Variants in RWDD1 observed in about 807,000 individuals in gnomAD.
The protein encoded by RWDD1 is RWD domain-containing protein 1.
Under a neutral mutation model 31.6 loss-of-function variants are expected in RWDD1, and 17 were observed. The ratio of observed to expected loss-of-function variants is 0.54; its 90% confidence interval spans 0.37 to 0.81. The LOEUF (loss-of-function observed/expected upper bound fraction) is 0.81, where lower values mean the gene tolerates loss of function less well. Among genes scored for constraint, RWDD1 ranks in the 30% least tolerant of loss-of-function variants. The probability of loss-of-function intolerance (pLI) is 0.00; values close to 1 mark genes in which losing one functional copy is unlikely to be tolerated. For missense variants in RWDD1, 204 were observed against 274.5 expected, an observed-to-expected ratio of 0.74 and a Z score of 1.82; for synonymous variants, 78 against 94.2, an observed-to-expected ratio of 0.83 and a Z score of 0.99.
rs762317149 is a variant in RWDD1 at position 116,571,683 on chromosome 6, C to A, written c.73+28C>A. On this transcript the variant is annotated intron_variant, in intron 1 of 6. Transcript: ENST00000466444. The stretch of plus-strand genomic sequence containing the variant: ...GACTCCCGCGGCCGCAAGCCTGTAG[C>A]CGCCCCGAGGTGGAGTAGGACGGGC... The A allele has an allele frequency of 1.9e-6, 3 of 1,602,606 alleles. No homozygotes were observed. The African/African-American group carries it at 4.0e-5, about 22-fold the overall frequency.
intron 1 of RWDD1, among the ~76,000 whole-genome samples, chr6:116,576,414 T>G (rs900069704): frequency 3.3e-5 from 5 of 152,216 alleles, no homozygotes; most frequent in African/African-American, 1.2e-4. Context: ...TTTTGGCCTC[T>G]GAAAATTACT....
In RWDD1 at chr6:116,590,629, A is replaced by G. The variant is rs1387968369; in HGVS notation, c.547+225A>G. 2.0e-5 allele frequency among the ~76,000 whole-genome samples: 3 copies of G among 152,180 alleles called. No individual in the cohort carries two copies. The East Asian group carries it at 5.8e-4, about 29-fold the overall frequency. ...TATTATAATTACTAGATCCTGTGATAGAAGGACATTCAGGATCATGTCTTA... is the reference window on the plus strand; with the variant it reads ...TATTATAATTACTAGATCCTGTGATGGAAGGACATTCAGGATCATGTCTTA... On this transcript the variant is annotated intron_variant, in intron 5 of 6. Coordinates refer to ENST00000466444, the MANE Select transcript of RWDD1 (RefSeq NM_015952.4).
At position 116,587,085 on chromosome 6, in the gene RWDD1, C is replaced by G. The variant is rs1775054611; in HGVS notation, c.271-1757C>G. The stretch of plus-strand genomic sequence containing the variant: ...AATACTTAACTTTTCTAAAAGATAT[C>G]CTACTTTTATTGGATATGAAAGTTT... On this transcript the variant is annotated intron_variant, in intron 3 of 6. Transcript: ENST00000466444. 3.3e-5 allele frequency among the ~76,000 whole-genome samples: 5 copies of G among 152,150 alleles called. No homozygotes were observed. The South Asian group carries it at 1.0e-3, about 32-fold the overall frequency.
Position 116,588,969 on chromosome 6 carries a change from C to A in RWDD1, c.398C>A (p.Ala133Glu). 7 of 1,403,046 alleles carry A rather than the reference C, an allele frequency of 5.0e-6. No individual in the cohort carries two copies. The highest frequency in any genetic ancestry group is 1.5e-5 in the African/African-American group (1 of 66,374). The allele number at this position is 1,403,046 out of a possible 1,614,324, so 86.9% of individuals were successfully genotyped here. ...EEEKKQKEKEAEEAEKQLFHG... is the reference protein window; with the variant it reads ...EEEKKQKEKEEEEAEKQLFHG... ...GAAAAGAAACAAAAAGAAAAAGAAG[C>A]AGAAGAAGCTGAAAAGGTATATTTA... The change falls in exon 4 of 7, where the codon GCA becomes GAA. Residue 133 changes from alanine (A) to glutamate (E), a missense_variant. Transcript: ENST00000466444.
intron 4 of RWDD1, among the ~76,000 whole-genome samples, chr6:116,589,732 G>A (rs1261434813): frequency 6.6e-6 from 1 of 152,140 alleles, no homozygotes; most frequent in Non-Finnish European, 1.5e-5. Context: ...ATCATGGTGG[G>A]AGGTGAAAGG....
rs1320063011 is a variant in RWDD1 at position 116,590,387 on chromosome 6, G to A, written c.530G>A (p.Gly177Glu). The change falls in exon 5 of 7, where the codon GGA becomes GAA. Residue 177 changes from glycine (G) to glutamate (E), a missense_variant. By Grantham distance (98) the Gly-to-Glu change is moderately conservative. Coordinates refer to ENST00000466444, the MANE Select transcript of RWDD1 (RefSeq NM_015952.4). ...AGGATGAAAGAAGAAGAACAAGCAG[G>A]AAAAAATAAATTAAGTGGTATGATT... The part of the protein sequence containing the change: ...KKRMKEEEQA[G>E]KNKLSGKQLF... 2 of 1,592,496 alleles carry A rather than the reference G, an allele frequency of 1.3e-6. No individual in the cohort carries two copies. The highest frequency in any genetic ancestry group is 1.4e-5 in the African/African-American group (1 of 73,580).
chr6:116,577,550 A>G (rs1205524412), intron 1 of RWDD1, among the ~76,000 whole-genome samples: 2 of 128,142 alleles, frequency 1.6e-5, no homozygotes, highest in Non-Finnish European at 3.5e-5. Flanking sequence ...GTGTCCTTAA[A>G]ATATATCATG....
At chr6:116,571,739 T>G in intron 1 of RWDD1, 84 bp downstream of exon 1, 1 of 1,298,322 alleles carries the variant, frequency 7.7e-7, no homozygotes, top group Non-Finnish European at 1.1e-6. Context: ...GCCTCATAGG[T>G]TGGGGTGGAG....
rs750755761 is a variant in RWDD1, at chr6:116,590,236, C to A, written c.415-36C>A. 4.1e-6 allele frequency: 5 copies of A among 1,216,768 alleles called. No individual in the cohort carries two copies. The Admixed American group carries it at 1.2e-4, about 30-fold the overall frequency. 75.4% of individuals were successfully genotyped at this position (1,216,768 alleles called of 1,614,324 possible). On this transcript the variant is annotated intron_variant, in intron 4 of 6. Coordinates refer to ENST00000466444, the MANE Select transcript of RWDD1 (RefSeq NM_015952.4). Reference sequence around the variant, plus strand: ...GTTAGGATTTATTAAACTGCTGTTTCATTAATCTGGTGACTTTTTTTTTTT... The same window carrying A: ...GTTAGGATTTATTAAACTGCTGTTTAATTAATCTGGTGACTTTTTTTTTTT...
intron 3 of RWDD1, among the ~76,000 whole-genome samples, chr6:116,587,672 A>C (rs1033329334): frequency 6.7e-6 from 1 of 149,770 alleles, no homozygotes; most frequent in East Asian, 2.0e-4. Context: ...CTCTGTGTGT[A>C]TGTGTGTGTG....
chr6:116,596,622 A>G lies in RWDD1; in HGVS notation c.*3521A>G, dbSNP rs1775242715. The G allele has an allele frequency of 6.6e-6, 1 of 152,136 alleles. No homozygotes were observed. Among genetic ancestry groups the G allele is most frequent in the Admixed American group, 6.5e-5 (1 of 15,272 alleles). 9.4% of individuals were successfully genotyped at this position (152,136 alleles called of 1,614,324 possible). A position where few individuals can be genotyped will look rare whatever the true frequency, so the allele number is the denominator to read the frequency against. ...CAACTCAGTCCTCATTTTTTAGTTC[A>G]ACTTTTGACAACCTTATATTCATTG... On this transcript the variant is annotated 3_prime_UTR_variant, in exon 7 of 7. Transcript: ENST00000466444.
intron 3 of RWDD1, 124 bp downstream of exon 3, chr6:116,584,981 A>G: frequency 1.3e-6 from 1 of 750,650 alleles, no homozygotes; most frequent in South Asian, 1.9e-5. Flanking sequence ...AATTCATGTT[A>G]CATAATCACA....
intron 3 of RWDD1, among the ~76,000 whole-genome samples, chr6:116,586,434 A>G (rs937363302): frequency 6.6e-6 from 1 of 152,102 alleles, no homozygotes; most frequent in African/African-American, 2.4e-5. Context: ...TCTCTTTTGC[A>G]CATAATATAT....
rs1029559622 is a variant in RWDD1 at position 116,573,865 on chromosome 6, A to G, written c.73+2210A>G. Among the ~76,000 whole-genome samples the G allele has an allele frequency of 7.2e-5, 11 of 152,008 alleles. No individual in the cohort carries two copies. The South Asian group carries it at 1.9e-3, about 26-fold the overall frequency. On this transcript the variant is annotated intron_variant, in intron 1 of 6. Coordinates refer to ENST00000466444, the MANE Select transcript of RWDD1 (RefSeq NM_015952.4). ...ATGACTGAGTGCTTGACAAAGAAGC[A>G]TTTGTTAAGTACACGTGACCCCATG...
chr6:116,582,371 A>G (rs914304973), intron 2 of RWDD1, among the ~76,000 whole-genome samples: 2 of 152,010 alleles, frequency 1.3e-5, no homozygotes, highest in African/African-American at 4.8e-5. Flanking sequence ...CTCAGGATAT[A>G]ATGCACATGA....
chr6:116,574,647 ACTTT>A (rs3839369), intron 1 of RWDD1, among the ~76,000 whole-genome samples: 37,596 of 150,034 alleles, frequency 0.25, 4,964 homozygotes, highest in African/African-American at 0.35. Context: ...CCAACAACTT[ACTTT>A]CTTTCTTTCT....
Position 116,590,392 on chromosome 6 carries a change from A to C in RWDD1, c.535A>C (p.Asn179His), listed in dbSNP as rs752244474. The change falls in exon 5 of 7, where the codon AAT (asparagine) becomes CAT (histidine). Residue 179 changes from asparagine to histidine, a missense_variant. Coordinates refer to ENST00000466444, the MANE Select transcript of RWDD1 (RefSeq NM_015952.4). Reference sequence around the variant, plus strand: ...GAAAGAAGAAGAACAAGCAGGAAAAAATAAATTAAGTGGTATGATTCCCCT... The same window carrying C: ...GAAAGAAGAAGAACAAGCAGGAAAACATAAATTAAGTGGTATGATTCCCCT... Reference protein sequence around the residue: ...RMKEEEQAGKNKLSGKQLFET... With the variant: ...RMKEEEQAGKHKLSGKQLFET... The C allele has an allele frequency of 2.5e-6, 4 of 1,594,168 alleles. No individual in the cohort carries two copies. The highest frequency in any genetic ancestry group is 3.4e-6 in the Non-Finnish European group (4 of 1,174,282).
intron 1 of RWDD1, among the ~76,000 whole-genome samples, chr6:116,575,750 C>T (rs1774828495): frequency 6.6e-6 from 1 of 152,328 alleles, no homozygotes; most frequent in Non-Finnish European, 1.5e-5. Context: ...CTCAGGGACA[C>T]ATCTTCTAAT....
intron 2 of RWDD1, among the ~76,000 whole-genome samples, chr6:116,580,985 A>G (rs1358649061): frequency 6.6e-6 from 1 of 152,000 alleles, no homozygotes; most frequent in Non-Finnish European, 1.5e-5. Context: ...AACCCTACAC[A>G]TTTTTTTACC....
Sources: allele counts gnomAD v4.1 joint callset (sites outside exome capture counted in the v4.1 genomes callset), GRCh38; gene constraint gnomAD v4.1.1; transcripts MANE v1.5; gene names NCBI Gene and HGNC (gene_info 2026-07-23, HGNC 2026-07-21).